The following DGKB variants were observed in gnomAD, a reference collection of about 807,000 sequenced individuals.
DGKB encodes the protein 90 kDa diacylglycerol kinase.
Under a neutral mutation model 114.3 loss-of-function variants are expected in DGKB, and 67 were observed. The ratio of observed to expected loss-of-function variants is 0.59; its 90% CI spans 0.48 to 0.72. The LOEUF (loss-of-function observed/expected upper bound fraction) is 0.72, where lower values mean the gene tolerates loss of function less well. Ranked by LOEUF, DGKB falls within the 30% of genes least tolerant of loss-of-function variation. The pLI is 0.00. For missense variants in DGKB, 907 were observed against 975.2 expected, an observed-to-expected ratio of 0.93 and a Z score of 0.93; for synonymous variants, 398 against 323.1, an observed-to-expected ratio of 1.23 and a Z score of -2.49.
At chr7:14,829,658 T>A (rs1268178786) in intron 2 of DGKB, among the ~76,000 whole-genome samples, 1 of 152,136 alleles carries the variant, frequency 6.6e-6, no homozygotes, top group Non-Finnish European at 1.5e-5. Context: ...AATGGTGTTA[T>A]TTTTAAATTC....
At chr7:14,169,382 A>AAAAAAAAAC (rs1649409754) in intron 25 of DGKB, among the ~76,000 whole-genome samples, 1 of 151,614 alleles carries the variant, frequency 6.6e-6, no homozygotes, top group Non-Finnish European at 1.5e-5. Context: ...AAAAAAAAAA[A>AAAAAAAAAC]AGAAATGCAA....
chr7:14,825,960 A>T (rs989558029), intron 2 of DGKB, among the ~76,000 whole-genome samples: 1 of 152,136 alleles, frequency 6.6e-6, no homozygotes, highest in Non-Finnish European at 1.5e-5. Flanking sequence ...CATTTTTGTC[A>T]ATTGCATTAA....
rs532643193 is a variant in DGKB at position 14,632,111 on chromosome 7, A to G, written c.1135-1843T>C. On this transcript the variant is annotated intron_variant, in intron 13 of 25. Transcript: ENST00000402815. ...TGGTTCAGAATAACAACCAAATGCA[A>G]TTCAAGAGCTTCAGATAGATCCTGG... Among the ~76,000 whole-genome samples, 8 of 152,128 alleles carry G rather than the reference A, an allele frequency of 5.3e-5. No homozygotes were observed. In the South Asian group the frequency reaches 1.7e-3, roughly 32 times the overall value.
chr7:14,801,905 T>C (rs548346630), intron 2 of DGKB, among the ~76,000 whole-genome samples: 1 of 141,452 alleles, frequency 7.1e-6, no homozygotes, highest in African/African-American at 2.9e-5. Flanking sequence ...TATACACACA[T>C]ATACACACAT....
intron 20 of DGKB, among the ~76,000 whole-genome samples, chr7:14,540,005 TA>T (rs1421020505): frequency 6.6e-6 from 1 of 152,092 alleles, no homozygotes; most frequent in Non-Finnish European, 1.5e-5. Flanking sequence ...TTTTCTCATT[TA>T]TATACTACTC....
chr7:14,958,437 A>ACACACACG (rs1055061923), intron 1 of DGKB, among the ~76,000 whole-genome samples: 3 of 124,450 alleles, frequency 2.4e-5, no homozygotes, highest in Admixed American at 8.0e-5. Flanking sequence ...ACACACACAC[A>ACACACACG]CACACACACA....
chr7:14,682,970 C>T, intron 10 of DGKB, 129 bp from the exon 11 acceptor site: 3 of 663,842 alleles, frequency 4.5e-6, no homozygotes, highest in Non-Finnish European at 8.0e-6. Flanking sequence ...TCAGCCACAT[C>T]AAGGAGAAGT....
At chr7:14,557,448 C>T (rs918990281) in intron 20 of DGKB, among the ~76,000 whole-genome samples, 14 of 151,956 alleles carry the variant, frequency 9.2e-5, no homozygotes, top group Non-Finnish European at 1.8e-4. Context: ...AAGCTTTGGG[C>T]TTTGTCTGTC....
chr7:14,736,207 A>T lies in DGKB; in HGVS notation c.169-13T>A. 1 of 1,490,896 alleles carries T rather than the reference A, an allele frequency of 6.7e-7. No individual in the cohort carries two copies. The highest frequency in any genetic ancestry group is 9.2e-7 in the Non-Finnish European group (1 of 1,088,356). The allele number at this position is 1,490,896 out of a possible 1,614,324, so 92.4% of individuals were successfully genotyped here. A position where few individuals can be genotyped will look rare whatever the true frequency, so the allele number is the denominator to read the frequency against. On this transcript the variant is annotated splice_polypyrimidine_tract_variant and intron_variant, in intron 4 of 25. Transcript: ENST00000402815. ...CAAAATCTATTGTCTGGAAAAAAAA[A>T]ATGTAAACATGTATTTTAAGATCCA...
intron 23 of DGKB, among the ~76,000 whole-genome samples, chr7:14,328,953 G>T (rs1266051032): frequency 3.3e-5 from 5 of 151,848 alleles, no homozygotes; most frequent in Non-Finnish European, 7.4e-5. Context: ...AAGAACAATA[G>T]AACTATTTTC....
chr7:14,216,731 A>G (rs2128316139), intron 23 of DGKB, among the ~76,000 whole-genome samples: 1 of 150,480 alleles, frequency 6.6e-6, no homozygotes, highest in African/African-American at 2.4e-5. Flanking sequence ...GTCTCAAAAA[A>G]AAAAAAAAAA....
At chr7:14,802,819 T>C (rs773219114) in intron 2 of DGKB, among the ~76,000 whole-genome samples, 10 of 152,166 alleles carry the variant, frequency 6.6e-5, no homozygotes, top group Admixed American at 1.3e-4. Flanking sequence ...AAGTAAAGTG[T>C]CTCTTCGCCT....
In DGKB at chr7:14,630,217, C is replaced by A; in HGVS notation, c.1167+19G>T. The stretch of plus-strand genomic sequence containing the variant: ...TGACCTATAATTTTAAGTGTGAAAA[C>A]CTGTTTTTGCTTACGCACCTCAGGA... On this transcript the variant is annotated intron_variant, in intron 14 of 25. Transcript: ENST00000402815. 6.5e-7 allele frequency: 1 copy of A among 1,533,678 alleles called. No individual in the cohort carries two copies. Among genetic ancestry groups the A allele is most frequent in the Non-Finnish European group, 8.8e-7 (1 of 1,138,106 alleles).
intron 2 of DGKB, among the ~76,000 whole-genome samples, chr7:14,795,121 T>G (rs1025547786): frequency 6.6e-6 from 1 of 152,230 alleles, no homozygotes; most frequent in Non-Finnish European, 1.5e-5. Flanking sequence ...GGAGGTATGT[T>G]AAACTCAAAC....
chr7:14,897,979 G>A (rs1019892644), intron 1 of DGKB, among the ~76,000 whole-genome samples: 2 of 151,922 alleles, frequency 1.3e-5, no homozygotes, highest in Non-Finnish European at 2.9e-5. Flanking sequence ...AACTTCCAAA[G>A]ATAAATAAGG....
intron 14 of DGKB, among the ~76,000 whole-genome samples, chr7:14,622,206 T>C (rs895073644): frequency 1.2e-4 from 18 of 152,088 alleles, no homozygotes; most frequent in Non-Finnish European, 2.4e-4. Flanking sequence ...AATTGATCTC[T>C]TCTTACTCTT....
intron 4 of DGKB, among the ~76,000 whole-genome samples, chr7:14,745,505 CA>C (rs1361804477): frequency 6.6e-6 from 1 of 152,196 alleles, no homozygotes; most frequent in Non-Finnish European, 1.5e-5. Context: ...TTATTGAGCA[CA>C]GGGGGGCTTG....
At chr7:14,784,829 T>C (rs75008723) in intron 2 of DGKB, among the ~76,000 whole-genome samples, 2 of 152,348 alleles carry the variant, frequency 1.3e-5, no homozygotes, top group East Asian at 1.9e-4. Flanking sequence ...ACTGCTGTTT[T>C]TTTTTTTAAT....
chr7:14,630,178 T>C (rs1306635036), intron 14 of DGKB, 58 bp downstream of exon 14: 9 of 1,187,450 alleles, frequency 7.6e-6, no homozygotes, highest in African/African-American at 6.4e-5. Context: ...TTTACAGCAA[T>C]ACAAGATGTA....
Sources: gnomAD v4.1 joint callset for allele counts (sites outside exome capture counted in the v4.1 genomes callset) on GRCh38, gnomAD v4.1.1 for gene constraint, MANE v1.5 for transcripts, NCBI Gene and HGNC (gene_info 2026-07-23, HGNC 2026-07-21) for gene names.